GLB1: variants seen among roughly 807,000 people sequenced by gnomAD.
The protein encoded by GLB1 is beta-galactosidase.
In GLB1, 56 loss-of-function variants were observed where a neutral mutation model predicts 74.0. The ratio of observed to expected loss-of-function variants is 0.76; its 90% CI spans 0.61 to 0.94. GLB1 has a LOEUF of 0.94. GLB1 is among the 40% of genes least tolerant of loss of function. The pLI is 0.00. For synonymous variants in GLB1, 323 were observed against 323.6 expected (o/e 1.00, Z 0.02); for missense variants, 787 against 845.5 (o/e 0.93, Z 0.86).
chr3:33,068,006 C>T (rs1485021129), intron 4 of GLB1, among the ~76,000 whole-genome samples: 2 of 152,194 alleles, frequency 1.3e-5, no homozygotes, highest in African/African-American at 2.4e-5. Flanking sequence ...CTGCCTCAGC[C>T]TCCTGAGTAG....
At position 33,018,645 on chromosome 3, in the gene GLB1, G is replaced by A. The variant is rs138136410; in HGVS notation, c.1234-84C>T. 7.8e-5 allele frequency: 110 copies of A among 1,405,412 alleles called. No individual in the cohort carries two copies. In the African/African-American group the frequency reaches 8.4e-4, roughly 11 times the overall value. 87.1% of individuals were successfully genotyped at this position (1,405,412 alleles called of 1,614,324 possible). On this transcript the variant is annotated intron_variant, in intron 12 of 15. Transcript: ENST00000307363. ...GGTTACCCTAGACATGTATGAAAGCGATGTTTCTCAAACCATAAGGAATGA... is the reference window on the plus strand; with the variant it reads ...GGTTACCCTAGACATGTATGAAAGCAATGTTTCTCAAACCATAAGGAATGA...
intron 15 of GLB1, among the ~76,000 whole-genome samples, chr3:33,011,076 T>C (rs1452883381): frequency 6.6e-6 from 1 of 152,156 alleles, no homozygotes; most frequent in Non-Finnish European, 1.5e-5. Context: ...AGGCTGGTCT[T>C]GAACTCCTGG....
downstream of GLB1, among the ~76,000 whole-genome samples, chr3:32,995,701 C>G (rs553470107): frequency 2.6e-5 from 4 of 151,414 alleles, no homozygotes; most frequent in Non-Finnish European, 4.4e-5. Context: ...ACTACAGGGC[C>G]GGGTGCAGTG....
At chr3:32,980,246 C>A in the GLB1 span, among the ~76,000 whole-genome samples, 1 of 152,136 alleles carries the variant, frequency 6.6e-6, no homozygotes, top group Non-Finnish European at 1.5e-5. Flanking sequence ...AATACAAGAT[C>A]TTGCTATGTT....
At chr3:33,050,438 A>G (rs1698927161) in intron 9 of GLB1, among the ~76,000 whole-genome samples, 1 of 152,270 alleles carries the variant, frequency 6.6e-6, no homozygotes, top group African/African-American at 2.4e-5. Context: ...ACATCCACAC[A>G]AGGGAATACT....
At chr3:33,091,435 C>T (rs564771659) in intron 1 of GLB1, 1 of 985,542 alleles carries the variant, frequency 1.0e-6, no homozygotes, top group African/African-American at 1.7e-5. Flanking sequence ...GCCCCAGCAG[C>T]AGGCAGCTCG....
chr3:33,042,074 TA>T lies in GLB1; in HGVS notation c.1068+4045del, dbSNP rs568458578. On this transcript the variant is annotated intron_variant, in intron 10 of 15. Coordinates refer to ENST00000307363, the MANE Select transcript of GLB1 (RefSeq NM_000404.4). ...GAAAATTATATTAGCACTAGTTTCA[TA>T]ATATATTCTGAAACTGCCTAGTTCC... 1.9e-4 allele frequency among the ~76,000 whole-genome samples: 29 copies of T among 152,254 alleles called. No individual in the cohort carries two copies. The South Asian group carries it at 4.8e-3, about 25-fold the overall frequency.
chr3:33,037,104 G>C (rs1321106405), intron 10 of GLB1, among the ~76,000 whole-genome samples: 1 of 150,908 alleles, frequency 6.6e-6, no homozygotes, highest in Non-Finnish European at 1.5e-5. Flanking sequence ...GGAGTGCAGT[G>C]GTGTGATCTC....
intron 2 of GLB1, 58 bp from the exon 3 acceptor site, chr3:33,069,028 C>A: frequency 1.9e-6 from 3 of 1,613,572 alleles, no homozygotes; most frequent in Non-Finnish European, 2.5e-6. Flanking sequence ...AAGAAAGAAG[C>A]GTGGGGAAAG....
At chr3:33,036,597 A>G (rs1211722719) in intron 10 of GLB1, among the ~76,000 whole-genome samples, 1 of 152,228 alleles carries the variant, frequency 6.6e-6, no homozygotes, top group Non-Finnish European at 1.5e-5. Context: ...CATTATTCAA[A>G]TAGCCAAAAG....
chr3:32,997,086 G>C lies in GLB1; in HGVS notation c.1993C>G (p.Pro665Ala). Residue 665 changes from proline (P) to alanine (A), a missense_variant, in exon 16 of 16, where the codon CCC becomes GCC. Transcript: ENST00000307363. ...KPVEKRLMPP[P>A]PQKNKDSWLD... is the part of the protein sequence containing the mutation. Reference sequence around the variant, plus strand: ...CATGAATCTTTGTTTTTTTGCGGGGGTGGGGGCATGAGTCTTTTTTCAACA... The same window carrying C: ...CATGAATCTTTGTTTTTTTGCGGGGCTGGGGGCATGAGTCTTTTTTCAACA... The C allele has an allele frequency of 6.2e-7, 1 of 1,614,086 alleles. No individual in the cohort carries two copies. Among genetic ancestry groups the C allele is most frequent in the Non-Finnish European group, 8.5e-7 (1 of 1,180,008 alleles).
At chr3:33,053,065 A>G (rs1699063515) in intron 7 of GLB1, among the ~76,000 whole-genome samples, 1 of 152,208 alleles carries the variant, frequency 6.6e-6, no homozygotes, top group African/African-American at 2.4e-5. Context: ...CGGAGAGAGA[A>G]GGATTGATAG....
At position 33,004,107 on chromosome 3, in the gene GLB1, G is replaced by A. The variant is rs553784577; in HGVS notation, c.1735-6763C>T. On this transcript the variant is annotated intron_variant, in intron 15 of 15. Coordinates refer to ENST00000307363, the MANE Select transcript of GLB1 (RefSeq NM_000404.4). ...TAGTGACATATTTTGGCCAAACAAC[G>A]TGGAAGAAGTGACATGTGAATCCTG... Among the ~76,000 whole-genome samples the A allele has an allele frequency of 1.6e-3, 243 of 152,184 alleles. 2 individuals are homozygous for A. Among genetic ancestry groups the A allele is most frequent in the Non-Finnish European group, 2.2e-3 (153 of 68,018 alleles).
chr3:32,966,084 A>G, the GLB1 span, among the ~76,000 whole-genome samples: 1 of 152,186 alleles, frequency 6.6e-6, no homozygotes, highest in Non-Finnish European at 1.5e-5. Context: ...CCCCTACACA[A>G]AGTCTCCACT....
intron 15 of GLB1, among the ~76,000 whole-genome samples, chr3:33,006,325 G>T (rs1696786545): frequency 6.6e-6 from 1 of 152,186 alleles, no homozygotes. Context: ...TGTGAACTGC[G>T]CACGCGAGGG....
chr3:33,070,374 G>A (rs1041968477), intron 2 of GLB1, among the ~76,000 whole-genome samples: 17 of 152,308 alleles, frequency 1.1e-4, no homozygotes, highest in Middle Eastern at 3.4e-3. Flanking sequence ...AAGATATGGT[G>A]TAGAACCATA....
chr3:33,058,408 A>T, intron 5 of GLB1, 139 bp from the exon 6 acceptor site: 2 of 1,234,864 alleles, frequency 1.6e-6, no homozygotes, highest in South Asian at 2.7e-5. Context: ...TCCTTCACTC[A>T]GACCTCAAAA....
Position 33,093,977 on chromosome 3 carries a change from G to A in GLB1, c.75+3034C>T, listed in dbSNP as rs769427911. 6.2e-7 allele frequency: 1 copy of A among 1,614,196 alleles called. No homozygotes were observed. Among genetic ancestry groups the A allele is most frequent in the South Asian group, 1.1e-5 (1 of 91,084 alleles). ...AACAGGTTGACTCTGCAGCTGGGGA[G>A]TGGCAGAGGTTGCTCACTGTGCTGC... On this transcript the variant is annotated intron_variant, in intron 1 of 15. Coordinates refer to ENST00000307363, the MANE Select transcript of GLB1 (RefSeq NM_000404.4). This position sits in a 1 kb window ranked among gnomAD's most constrained non-coding sequence, Gnocchi z 6.0.
chr3:33,063,336 G>T (rs951486899), intron 5 of GLB1, among the ~76,000 whole-genome samples: 2 of 152,130 alleles, frequency 1.3e-5, no homozygotes, highest in African/African-American at 4.8e-5. Flanking sequence ...TAACAATTAT[G>T]TTTTTTCTGC....
Sources: gnomAD v4.1 joint callset for allele counts (sites outside exome capture counted in the v4.1 genomes callset) on GRCh38, gnomAD v4.1.1 for gene constraint, Gnocchi (gnomAD v3.1) non-coding constraint, MANE v1.5 for transcripts, NCBI Gene and HGNC (gene_info 2026-07-23, HGNC 2026-07-21) for gene names.